Variants in CNTN5 observed in about 807,000 individuals in gnomAD.
CNTN5 encodes contactin 5.
CNTN5 carries 77 observed loss-of-function variants against 129.1 expected under a neutral mutation model. The ratio of observed to expected loss-of-function variants is 0.60; its 90% confidence interval spans 0.50 to 0.72. The LOEUF (loss-of-function observed/expected upper bound fraction) is 0.72, where lower values mean the gene tolerates loss of function less well. Among genes scored for constraint, CNTN5 ranks in the 30% least tolerant of loss-of-function variants. CNTN5 has a pLI of 0.00. For synonymous variants in CNTN5, 509 were observed against 465.6 expected, an observed-to-expected ratio of 1.09 and a Z score of -1.20; for missense variants, 1,478 against 1,328.8, an observed-to-expected ratio of 1.11 and a Z score of -1.75.
chr11:99,753,881 T>A (rs1373565447), intron 3 of CNTN5, among the ~76,000 whole-genome samples: 5 of 149,468 alleles, frequency 3.3e-5, no homozygotes, highest in African/African-American at 9.8e-5. Context: ...AGAAATGGGG[T>A]TTTGCTATGT....
At chr11:99,775,821 C>T (rs1022283342) in intron 3 of CNTN5, among the ~76,000 whole-genome samples, 3 of 151,502 alleles carry the variant, frequency 2.0e-5, no homozygotes, top group African/African-American at 7.3e-5. Flanking sequence ...AGTATTTTTA[C>T]GTTAGCGTTC....
At chr11:99,788,642 A>G (rs190795349) in intron 3 of CNTN5, among the ~76,000 whole-genome samples, 134 of 152,038 alleles carry the variant, frequency 8.8e-4, no homozygotes, top group Non-Finnish European at 1.5e-3. Context: ...GCAGATAACA[A>G]CTTTATTATA....
intron 3 of CNTN5, among the ~76,000 whole-genome samples, chr11:99,579,148 C>T (rs1053717332): frequency 2.8e-4 from 43 of 152,092 alleles, no homozygotes; most frequent in South Asian, 2.5e-3. Flanking sequence ...TGTAGATATG[C>T]GGCATTATTT....
At chr11:100,345,340 A>C (rs1302897945) in intron 23 of CNTN5, among the ~76,000 whole-genome samples, 1 of 152,120 alleles carries the variant, frequency 6.6e-6, no homozygotes, top group African/African-American at 2.4e-5. Flanking sequence ...CTCTTTTATA[A>C]GGGCATTGAT....
chr11:99,195,691 A>T (rs1229940687), intron 1 of CNTN5, among the ~76,000 whole-genome samples: 1 of 152,066 alleles, frequency 6.6e-6, no homozygotes, highest in Non-Finnish European at 1.5e-5. Flanking sequence ...TATTTAAAAC[A>T]TTTACAAATT....
At chr11:99,689,285 A>T (rs1437199222) in intron 3 of CNTN5, among the ~76,000 whole-genome samples, 2 of 151,856 alleles carry the variant, frequency 1.3e-5, no homozygotes, top group Non-Finnish European at 2.9e-5. Flanking sequence ...CCCAGCATTT[A>T]GGGAGGCCAA....
chr11:99,615,230 C>A (rs1950723466), intron 3 of CNTN5, among the ~76,000 whole-genome samples: 1 of 151,982 alleles, frequency 6.6e-6, no homozygotes, highest in South Asian at 2.1e-4. Flanking sequence ...TTGTTTCATG[C>A]AAATGAGAGG....
At chr11:99,625,685 A>T (rs1022427250) in intron 3 of CNTN5, among the ~76,000 whole-genome samples, 1 of 152,116 alleles carries the variant, frequency 6.6e-6, no homozygotes, top group African/African-American at 2.4e-5. Flanking sequence ...ATTAAATCTT[A>T]TAAAGACCTT....
At chr11:100,227,282 T>C (rs1204096290) in intron 16 of CNTN5, among the ~76,000 whole-genome samples, 2 of 152,108 alleles carry the variant, frequency 1.3e-5, no homozygotes, top group Non-Finnish European at 2.9e-5. Flanking sequence ...GTCTATAAAA[T>C]TATTTTATAC....
chr11:100,238,380 C>T (rs1163664887), intron 16 of CNTN5, among the ~76,000 whole-genome samples: 5 of 141,702 alleles, frequency 3.5e-5, no homozygotes, highest in African/African-American at 1.3e-4. Context: ...GTCATCCTAC[C>T]TCTTTTGGAC....
chr11:99,259,089 G>A (rs1171556664), intron 1 of CNTN5, among the ~76,000 whole-genome samples: 2 of 151,738 alleles, frequency 1.3e-5, no homozygotes, highest in Admixed American at 1.3e-4. Context: ...TATATAATAT[G>A]AATGAATAAC....
chr11:100,176,716 C>A (rs1947977994), intron 13 of CNTN5, among the ~76,000 whole-genome samples: 2 of 151,780 alleles, frequency 1.3e-5, no homozygotes, highest in South Asian at 2.1e-4. Flanking sequence ...AGAGAGTGAG[C>A]AAGAGATCCA....
At chr11:99,608,565 A>C (rs1312312948) in intron 3 of CNTN5, among the ~76,000 whole-genome samples, 1 of 152,192 alleles carries the variant, frequency 6.6e-6, no homozygotes, top group East Asian at 1.9e-4. Flanking sequence ...ACACAGAAAC[A>C]AACATGCATA....
intron 3 of CNTN5, among the ~76,000 whole-genome samples, chr11:99,596,076 G>A (rs1233056138): frequency 6.6e-6 from 1 of 152,060 alleles, no homozygotes; most frequent in Admixed American, 6.6e-5. Flanking sequence ...AATCTTTTGG[G>A]TCTTGCCTTG....
chr11:99,250,908 G>A (rs1201167094), intron 1 of CNTN5, among the ~76,000 whole-genome samples: 2 of 151,994 alleles, frequency 1.3e-5, no homozygotes, highest in East Asian at 3.9e-4. Context: ...TGAAGAAACA[G>A]AATTTGAGGC....
At chr11:99,453,822 G>T (rs1699976244) in intron 2 of CNTN5, among the ~76,000 whole-genome samples, 1 of 152,160 alleles carries the variant, frequency 6.6e-6, no homozygotes, top group Non-Finnish European at 1.5e-5. Context: ...AGCCAAGACT[G>T]CAGGGTTGCC....
rs547769438 is a variant in CNTN5 at position 100,200,562 on chromosome 11, C to T, written c.1884+6899C>T. ...TGCAAATTTTTATTTTGGTGTAGAA[C>T]TGCAGGTCTTTGTTATTATTGTCAG... On this transcript the variant is annotated intron_variant, in intron 15 of 24. Coordinates refer to ENST00000524871, the MANE Select transcript of CNTN5 (RefSeq NM_014361.4). Among the ~76,000 whole-genome samples the T allele has an allele frequency of 1.8e-4, 27 of 151,916 alleles. No individual in the cohort carries two copies. In the South Asian group the frequency reaches 5.6e-3, roughly 32 times the overall value.
At chr11:99,786,780 G>T (rs911433850) in intron 3 of CNTN5, among the ~76,000 whole-genome samples, 1 of 152,120 alleles carries the variant, frequency 6.6e-6, no homozygotes, top group African/African-American at 2.4e-5. Flanking sequence ...AGTAAATGAT[G>T]TTGGGAAAGT....
intron 20 of CNTN5, 84 bp from the exon 21 acceptor site, chr11:100,308,275 G>A (rs1951399780): frequency 1.7e-6 from 2 of 1,202,040 alleles, no homozygotes; most frequent in Admixed American, 5.2e-5. Context: ...TAAGGTAAGA[G>A]GAATTTAACA....
Sources: allele counts gnomAD v4.1 joint callset (sites outside exome capture counted in the v4.1 genomes callset), GRCh38; gene constraint gnomAD v4.1.1; transcripts MANE v1.5; gene names NCBI Gene and HGNC (gene_info 2026-07-23, HGNC 2026-07-21).